Variants in NEMP2 observed in about 807,000 individuals in gnomAD.
NEMP2 encodes nuclear envelope integral membrane protein 2.
In NEMP2, 53 loss-of-function variants were observed where a neutral mutation model predicts 54.2. That is an observed-to-expected ratio of 0.98 (90% CI 0.78 to 1.23). The LOEUF is 1.23. NEMP2 is among the 50% of genes most tolerant of loss of function. The probability of loss-of-function intolerance (pLI) is 0.00; values close to 1 mark genes in which losing one functional copy is unlikely to be tolerated. For synonymous variants in NEMP2, 197 were observed against 190.3 expected (o/e 1.04, Z -0.29); for missense variants, 455 against 511.3 (o/e 0.89, Z 1.06).
chr2:190,490,727 A>C, the NEMP2 span, among the ~76,000 whole-genome samples: 1 of 152,238 alleles, frequency 6.6e-6, no homozygotes, highest in African/African-American at 2.4e-5. The surrounding 1 kb of genome is among the most constrained non-coding windows in gnomAD (Gnocchi z 4.5). Context: ...AAAAAGGTCA[A>C]CCAGGAGGAT....
At chr2:190,615,720 A>C in the NEMP2 span, among the ~76,000 whole-genome samples, 2 of 152,186 alleles carry the variant, frequency 1.3e-5, no homozygotes. The surrounding 1 kb of genome is among the most constrained non-coding windows in gnomAD (Gnocchi z 4.7). Context: ...CTAGCATCCC[A>C]AAGCTTTCCA....
At position 190,523,003 on chromosome 2, in the gene NEMP2, C is replaced by G. The variant is rs1440509690; in HGVS notation, c.213+2260G>C. ...CACCTTGGGCACATGTTCTCAGAAT[C>G]TGAGGGATGTGTCACAGGCCATTGG... On this transcript the variant is annotated intron_variant, in intron 2 of 8. Coordinates refer to ENST00000409150, the MANE Select transcript of NEMP2 (RefSeq NM_001142645.2). This position sits in a 1 kb window ranked among gnomAD's most constrained non-coding sequence, Gnocchi z 5.3. Among the ~76,000 whole-genome samples, 3 of 152,164 alleles carry G rather than the reference C, an allele frequency of 2.0e-5. No individual in the cohort carries two copies. In the East Asian group the frequency reaches 5.8e-4, roughly 29 times the overall value.
At chr2:190,464,823 C>G in the NEMP2 span, 258 of 731,484 alleles carry the variant, frequency 3.5e-4, no homozygotes, top group Non-Finnish European at 4.2e-4. Flanking sequence ...TTTTACTCCC[C>G]TCACAGTATA....
chr2:190,582,658 C>T, the NEMP2 span, among the ~76,000 whole-genome samples: 1 of 152,116 alleles, frequency 6.6e-6, no homozygotes, highest in African/African-American at 2.4e-5. This position sits in a 1 kb window ranked among gnomAD's most constrained non-coding sequence, Gnocchi z 4.6. Flanking sequence ...TTCAGAGTTG[C>T]TGGTATGTGC....
At chr2:190,540,355 G>T in the NEMP2 span, among the ~76,000 whole-genome samples, 3 of 151,690 alleles carry the variant, frequency 2.0e-5, no homozygotes, top group South Asian at 4.2e-4. Context: ...ACGATCATGG[G>T]TCACTGCAGC....
chr2:190,476,529 G>A, the NEMP2 span, among the ~76,000 whole-genome samples: 1 of 152,138 alleles, frequency 6.6e-6, no homozygotes, highest in Non-Finnish European at 1.5e-5. Flanking sequence ...AATTAGAATG[G>A]CAATCATTAA....
the NEMP2 span, among the ~76,000 whole-genome samples, chr2:190,592,440 A>ATCTTTAAG: frequency 6.6e-6 from 1 of 152,310 alleles, no homozygotes; most frequent in Admixed American, 6.5e-5. This position sits in a 1 kb window ranked among gnomAD's most constrained non-coding sequence, Gnocchi z 4.4. Context: ...AGGGGATGCA[A>ATCTTTAAG]GGCAGATCTG....
At chr2:190,582,811 G>A in the NEMP2 span, among the ~76,000 whole-genome samples, 691 of 152,234 alleles carry the variant, frequency 4.5e-3, 10 homozygotes, top group African/African-American at 0.016. The surrounding 1 kb of genome is among the most constrained non-coding windows in gnomAD (Gnocchi z 4.6). Context: ...GAGCTTTATC[G>A]ATCATATGAA....
the NEMP2 span, among the ~76,000 whole-genome samples, chr2:190,465,752 G>A: frequency 1.3e-5 from 2 of 152,086 alleles, no homozygotes; most frequent in East Asian, 3.9e-4. The surrounding 1 kb of genome is among the most constrained non-coding windows in gnomAD (Gnocchi z 4.6). Context: ...CAGCACTTTG[G>A]GAGGCCGAGG....
At chr2:190,595,379 G>A in the NEMP2 span, among the ~76,000 whole-genome samples, 6 of 152,116 alleles carry the variant, frequency 3.9e-5, no homozygotes, top group African/African-American at 1.4e-4. The surrounding 1 kb of genome is among the most constrained non-coding windows in gnomAD (Gnocchi z 4.0). Context: ...AAAAGCAATG[G>A]CAACAAAAGC....
chr2:190,620,637 C>A, the NEMP2 span, among the ~76,000 whole-genome samples: 3 of 152,160 alleles, frequency 2.0e-5, no homozygotes, highest in African/African-American at 7.2e-5. The surrounding 1 kb of genome is among the most constrained non-coding windows in gnomAD (Gnocchi z 4.9). Context: ...TTAAGGTCAT[C>A]TACAGAAACC....
the NEMP2 span, among the ~76,000 whole-genome samples, chr2:190,425,228 T>C: frequency 1.3e-5 from 2 of 152,358 alleles, no homozygotes; most frequent in East Asian, 3.9e-4. This position sits in a 1 kb window ranked among gnomAD's most constrained non-coding sequence, Gnocchi z 4.3. Flanking sequence ...TTATTAGTTC[T>C]AGAAGTTTAT....
At chr2:190,463,687 G>A in the NEMP2 span, 1 of 159,344 alleles carries the variant, frequency 6.3e-6, no homozygotes, top group African/African-American at 2.4e-5. This position sits in a 1 kb window ranked among gnomAD's most constrained non-coding sequence, Gnocchi z 4.4. Flanking sequence ...TGGCGTGATG[G>A]TGCACACCTG....
Position 190,519,672 on chromosome 2 carries a change from G to A in NEMP2, c.214-489C>T, listed in dbSNP as rs953691715. Among the ~76,000 whole-genome samples, 2 of 152,206 alleles carry A rather than the reference G, an allele frequency of 1.3e-5. No homozygotes were observed. Among genetic ancestry groups the A allele is most frequent in the Non-Finnish European group, 2.9e-5 (2 of 68,030 alleles). On this transcript the variant is annotated intron_variant, in intron 2 of 8. Transcript: ENST00000409150. This position sits in a 1 kb window ranked among gnomAD's most constrained non-coding sequence, Gnocchi z 5.4. ...AGATCTGTATTTAGTCCAAACACAC[G>A]CTGAACCACAGACATTATTGAAAGT...
chr2:190,452,573 A>T, the NEMP2 span, among the ~76,000 whole-genome samples: 2 of 152,184 alleles, frequency 1.3e-5, no homozygotes, highest in Non-Finnish European at 2.9e-5. Flanking sequence ...CTCAGCTGCT[A>T]CCTTATAGCT....
the NEMP2 span, among the ~76,000 whole-genome samples, chr2:190,494,878 C>A: frequency 1.3e-5 from 2 of 152,078 alleles, no homozygotes; most frequent in Admixed American, 1.3e-4. The surrounding 1 kb of genome is among the most constrained non-coding windows in gnomAD (Gnocchi z 5.7). Context: ...TTGTGATAAA[C>A]CCACAGCCAA....
chr2:190,436,427 T>C, the NEMP2 span: 3 of 1,614,016 alleles, frequency 1.9e-6, no homozygotes, highest in Non-Finnish European at 1.7e-6. This position sits in a 1 kb window ranked among gnomAD's most constrained non-coding sequence, Gnocchi z 5.3. Flanking sequence ...AAAGGCAAAA[T>C]TGTCCTCCTC....
the NEMP2 span, among the ~76,000 whole-genome samples, chr2:190,542,108 A>G: frequency 6.6e-6 from 1 of 152,040 alleles, no homozygotes; most frequent in East Asian, 1.9e-4. The surrounding 1 kb of genome is among the most constrained non-coding windows in gnomAD (Gnocchi z 4.6). Flanking sequence ...GTACCTGGAT[A>G]TTTATCTCTT....
chr2:190,466,018 G>A, the NEMP2 span, among the ~76,000 whole-genome samples: 2 of 152,170 alleles, frequency 1.3e-5, no homozygotes, highest in African/African-American at 2.4e-5. Flanking sequence ...CAAAAAGTCC[G>A]AGATCAATTG....
Sources: gnomAD v4.1 joint callset for allele counts (sites outside exome capture counted in the v4.1 genomes callset) on GRCh38, gnomAD v4.1.1 for gene constraint, Gnocchi (gnomAD v3.1) non-coding constraint, MANE v1.5 for transcripts, NCBI Gene and HGNC (gene_info 2026-07-23, HGNC 2026-07-21) for gene names.